CACHD1: variants seen among roughly 807,000 people sequenced by gnomAD.
CACHD1 encodes cache domain containing 1, also known as VWFA and cache domain-containing protein 1.
Under a neutral mutation model 138.7 loss-of-function variants are expected in CACHD1, and 71 were observed. The observed-to-expected ratio is 0.51, with a 90% CI of 0.42 to 0.62. The LOEUF is 0.62. Ranked by LOEUF, CACHD1 falls within the 20% of genes least tolerant of loss-of-function variation. The pLI is 0.00. For synonymous variants in CACHD1, 578 were observed against 591.5 expected (o/e 0.98, Z 0.33); for missense variants, 1,389 against 1,625.3 (o/e 0.85, Z 2.50).
Position 64,691,625 on chromosome 1 carries a change from G to A in CACHD1, c.*64G>A, listed in dbSNP as rs1342362293. 6.7e-7 allele frequency: 1 copy of A among 1,502,174 alleles called. No homozygotes were observed. The highest frequency in any genetic ancestry group is 1.4e-5 in the African/African-American group (1 of 72,446). The allele number at this position is 1,502,174 out of a possible 1,614,324, so 93.1% of individuals were successfully genotyped here. The stretch of plus-strand genomic sequence containing the variant: ...CTACAGAATGTTCTGGAAAGAAAAA[G>A]AACCGGCTTAAAACCCACAGCAAGA... On this transcript the variant is annotated 3_prime_UTR_variant, in exon 27 of 27. Coordinates refer to ENST00000651257, the MANE Select transcript of CACHD1 (RefSeq NM_020925.4).
rs543078129 is a variant in CACHD1, at chr1:64,658,948, C to T, written c.1951+75C>T. ...AAATATCCTTTTGAATACCATCCAC[C>T]CCACCCCTCCAAAAAAGATACTGAA... is the stretch of plus-strand genomic sequence containing the variant. On this transcript the variant is annotated intron_variant, in intron 13 of 26. Transcript: ENST00000651257. The T allele has an allele frequency of 5.6e-6, 7 of 1,257,590 alleles. No homozygotes were observed. The Admixed American group carries it at 1.8e-4, about 32-fold the overall frequency. The allele number at this position is 1,257,590 out of a possible 1,614,324, so 77.9% of individuals were successfully genotyped here. A position where few individuals can be genotyped will look rare whatever the true frequency, so the allele number is the denominator to read the frequency against.
intron 2 of CACHD1, among the ~76,000 whole-genome samples, chr1:64,555,262 T>G (rs563425034): frequency 1.7e-3 from 259 of 152,292 alleles, no homozygotes; most frequent in Admixed American, 5.6e-3. Context: ...AGTACTGCGA[T>G]TACAGGCATG....
intron 22 of CACHD1, among the ~76,000 whole-genome samples, chr1:64,677,372 A>T (rs1333434017): frequency 6.6e-6 from 1 of 152,312 alleles, no homozygotes; most frequent in Non-Finnish European, 1.5e-5. Context: ...TAGGAAACAC[A>T]TCTGCTTCAT....
Position 64,659,535 on chromosome 1 carries a change from C to T in CACHD1, c.1951+662C>T, listed in dbSNP as rs531929865. Among the ~76,000 whole-genome samples, 17 of 152,280 alleles carry T rather than the reference C, an allele frequency of 1.1e-4. No homozygotes were observed. The East Asian group carries it at 1.9e-3, about 17-fold the overall frequency. ...AGCAAAAAGGAATTTACATTTATTA[C>T]GTACCAGATGTTTTTTATTTTTCAC... On this transcript the variant is annotated intron_variant, in intron 13 of 26. Transcript: ENST00000651257.
At chr1:64,619,933 A>G (rs1647850957) in intron 4 of CACHD1, among the ~76,000 whole-genome samples, 1 of 152,212 alleles carries the variant, frequency 6.6e-6, no homozygotes, top group Non-Finnish European at 1.5e-5. Flanking sequence ...GACAGTAATT[A>G]TATTGACTTT....
intron 1 of CACHD1, among the ~76,000 whole-genome samples, chr1:64,548,111 T>C (rs1371386391): frequency 6.6e-6 from 1 of 152,210 alleles, no homozygotes; most frequent in Non-Finnish European, 1.5e-5. Flanking sequence ...CACAGCCTCC[T>C]GAACCCTTCC....
chr1:64,538,455 G>A (rs1415946717), intron 1 of CACHD1, among the ~76,000 whole-genome samples: 1 of 152,170 alleles, frequency 6.6e-6, no homozygotes. Flanking sequence ...CTTTTCAAAA[G>A]TCTAGCAATT....
In CACHD1 at chr1:64,470,824, C is replaced by T. The variant is rs1345712432; in HGVS notation, c.80C>T (p.Ala27Val). 9.3e-6 allele frequency: 14 copies of T among 1,500,234 alleles called. No individual in the cohort carries two copies. The highest frequency in any genetic ancestry group is 4.6e-5 in the East Asian group (2 of 43,050). 92.9% of individuals were successfully genotyped at this position (1,500,234 alleles called of 1,614,324 possible). The change falls in exon 1 of 27, where the codon GCG (alanine) becomes GTG (valine). Residue 27 changes from alanine to valine, a missense_variant. Physicochemically the swap from Ala to Val is moderately conservative, Grantham distance 64. Coordinates refer to ENST00000651257, the MANE Select transcript of CACHD1 (RefSeq NM_020925.4). This position sits in a 1 kb window ranked among gnomAD's most constrained non-coding sequence, Gnocchi z 5.2. ...CCCCTCTGGCTGCTCTGCCTGGTCG[C>T]GTGCTGGCTCCTGGGCGCCGGGGCC... is the stretch of plus-strand genomic sequence containing the variant. ...RPPLWLLCLV[A>V]CWLLGAGAEA...
chr1:64,548,113 A>G (rs1225747837), intron 1 of CACHD1, among the ~76,000 whole-genome samples: 3 of 152,200 alleles, frequency 2.0e-5, no homozygotes, highest in African/African-American at 7.2e-5. Flanking sequence ...CAGCCTCCTG[A>G]ACCCTTCCGG....
At chr1:64,631,185 T>G (rs937420129) in intron 5 of CACHD1, among the ~76,000 whole-genome samples, 2 of 152,238 alleles carry the variant, frequency 1.3e-5, no homozygotes, top group Admixed American at 1.3e-4. Context: ...ATATCCCAAG[T>G]TTCATTTATG....
intron 2 of CACHD1, among the ~76,000 whole-genome samples, chr1:64,551,978 G>T (rs1198345582): frequency 1.3e-5 from 2 of 152,144 alleles, no homozygotes; most frequent in Non-Finnish European, 2.9e-5. Flanking sequence ...AAATTTAAGA[G>T]ATTTTTTGTG....
At chr1:64,684,922 G>C (rs1227111304) in intron 26 of CACHD1, among the ~76,000 whole-genome samples, 1 of 152,136 alleles carries the variant, frequency 6.6e-6, no homozygotes, top group African/African-American at 2.4e-5. Flanking sequence ...CGATTCTCCT[G>C]CTTCAGCCTC....
chr1:64,595,580 G>A (rs1162857011), intron 3 of CACHD1, among the ~76,000 whole-genome samples: 5 of 152,228 alleles, frequency 3.3e-5, no homozygotes, highest in East Asian at 1.9e-4. Context: ...CCAGATACCC[G>A]TCTTTCTTCA....
intron 1 of CACHD1, among the ~76,000 whole-genome samples, chr1:64,473,731 A>T (rs1478131433): frequency 6.6e-6 from 1 of 152,194 alleles, no homozygotes; most frequent in African/African-American, 2.4e-5. Flanking sequence ...GCCTCTTTAT[A>T]TGTAAAAAGC....
chr1:64,548,077 A>T (rs969124942), intron 1 of CACHD1, among the ~76,000 whole-genome samples: 5 of 152,348 alleles, frequency 3.3e-5, no homozygotes, highest in African/African-American at 1.2e-4. Flanking sequence ...TTAAGATAAT[A>T]AATGAGTAAA....
rs57993424 is a variant in CACHD1 at position 64,681,541 on chromosome 1, G to GTTTTTTTTT, written c.3484+221_3484+229dup. 2.1e-3 allele frequency among the ~76,000 whole-genome samples: 144 copies of GTTTTTTTTT among 67,938 alleles called. 1 individual carries two copies. The highest frequency in any genetic ancestry group is 5.9e-3 in the East Asian group (10 of 1,702). 44.6% of individuals were successfully genotyped at this position (67,938 alleles called of 152,430 possible). On this transcript the variant is annotated intron_variant, in intron 25 of 26. Transcript: ENST00000651257. ...AGAGAATCTCAAAAGATTTTATTGT[G>GTTTTTTTTT]TTTTTTTTTTTTTTTTTTTTTTTGC... is the stretch of plus-strand genomic sequence containing the variant.
intron 2 of CACHD1, among the ~76,000 whole-genome samples, chr1:64,562,339 T>G (rs1469275124): frequency 1.1e-5 from 1 of 87,082 alleles, no homozygotes; most frequent in Non-Finnish European, 2.7e-5. Context: ...AGTGTCTTTT[T>G]CTTCTCTTTT....
At chr1:64,627,308 G>A (rs1648140430) in intron 4 of CACHD1, among the ~76,000 whole-genome samples, 1 of 152,156 alleles carries the variant, frequency 6.6e-6, no homozygotes, top group Non-Finnish European at 1.5e-5. Context: ...ACAGGAGACT[G>A]AGGCAGGAGG....
chr1:64,564,331 C>A (rs1374759353), intron 2 of CACHD1, among the ~76,000 whole-genome samples: 1 of 152,062 alleles, frequency 6.6e-6, no homozygotes, highest in African/African-American at 2.4e-5. Context: ...AACAAGACAA[C>A]CTTTATTCCC....
Sources: gnomAD v4.1 joint callset for allele counts (sites outside exome capture counted in the v4.1 genomes callset) on GRCh38, gnomAD v4.1.1 for gene constraint, Gnocchi (gnomAD v3.1) non-coding constraint, MANE v1.5 for transcripts, NCBI Gene and HGNC (gene_info 2026-07-23, HGNC 2026-07-21) for gene names.